Variants in PTPRD observed in about 807,000 individuals in gnomAD.
PTPRD encodes the protein protein tyrosine phosphatase receptor type D, also known as receptor-type tyrosine-protein phosphatase delta.
In PTPRD, 34 loss-of-function variants were observed where a neutral mutation model predicts 214.5. The ratio of observed to expected loss-of-function variants is 0.16; its 90% CI spans 0.12 to 0.21. The LOEUF (loss-of-function observed/expected upper bound fraction) is 0.21, where lower values mean the gene tolerates loss of function less well. Among genes scored for constraint, PTPRD ranks in the 10% least tolerant of loss-of-function variants. The pLI, the probability that PTPRD is intolerant of heterozygous loss-of-function variation, is 1.00. For missense variants in PTPRD, 2,545 were observed against 2,398.7 expected (o/e 1.06, Z -1.27); for synonymous variants, 1,128 against 845.7 (o/e 1.33, Z -5.79).
intron 10 of PTPRD, 95 bp from the exon 11 acceptor site, chr9:9,018,830 T>G (rs1428407100): frequency 6.6e-6 from 1 of 152,192 alleles, no homozygotes; most frequent in Non-Finnish European, 1.5e-5. Context: ...ATTACTTAGC[T>G]AGTGGAAATG....
At chr9:10,261,803 G>A (rs1365476976) in intron 3 of PTPRD, among the ~76,000 whole-genome samples, 1 of 152,006 alleles carries the variant, frequency 6.6e-6, no homozygotes, top group East Asian at 1.9e-4. Flanking sequence ...TAAATATATA[G>A]GAGCAAGAAA....
At chr9:9,249,386 T>A (rs184818448) in intron 9 of PTPRD, among the ~76,000 whole-genome samples, 1 of 152,176 alleles carries the variant, frequency 6.6e-6, no homozygotes, top group East Asian at 1.9e-4. Context: ...GCCTCAGGTA[T>A]TCCTTTAGTG....
intron 33 of PTPRD, among the ~76,000 whole-genome samples, chr9:8,452,246 T>G (rs1447992356): frequency 2.0e-5 from 3 of 152,250 alleles, no homozygotes; most frequent in Non-Finnish European, 2.9e-5. Flanking sequence ...CTTAGTTTTC[T>G]TTCGATGATC....
intron 3 of PTPRD, among the ~76,000 whole-genome samples, chr9:10,214,487 G>A (rs1168478941): frequency 2.0e-5 from 3 of 148,564 alleles, no homozygotes; most frequent in Non-Finnish European, 3.0e-5. Context: ...TGTTGGCCAG[G>A]TTGATCTCGA....
intron 10 of PTPRD, among the ~76,000 whole-genome samples, chr9:9,104,150 G>C (rs763930659): frequency 2.6e-5 from 4 of 152,172 alleles, no homozygotes; most frequent in Non-Finnish European, 4.4e-5. Context: ...TTTAGGCTTT[G>C]TGGGCTATCC....
rs538007225 is a variant in PTPRD, at chr9:9,909,327, T to A, written c.-368+29180A>T. On this transcript the variant is annotated intron_variant, in intron 5 of 45. Transcript: ENST00000381196. ...GTTTTTAATCTGAAAGTTTTTTTTTTTTTTTTACGGCTTTTCCTATTAATT... is the reference window on the plus strand; with the variant it reads ...GTTTTTAATCTGAAAGTTTTTTTTTATTTTTTACGGCTTTTCCTATTAATT... Among the ~76,000 whole-genome samples, 21 of 151,812 alleles carry A rather than the reference T, an allele frequency of 1.4e-4. No homozygotes were observed. The East Asian group carries it at 4.1e-3, about 29-fold the overall frequency.
intron 11 of PTPRD, among the ~76,000 whole-genome samples, chr9:9,000,588 G>C (rs979648208): frequency 2.6e-5 from 4 of 151,920 alleles, no homozygotes; most frequent in Admixed American, 1.3e-4. Flanking sequence ...CTGTGTCTAA[G>C]CATTTTTAAT....
chr9:9,967,518 G>C (rs918573476), intron 4 of PTPRD, among the ~76,000 whole-genome samples: 1 of 152,050 alleles, frequency 6.6e-6, no homozygotes, highest in Non-Finnish European at 1.5e-5. Flanking sequence ...AGGTATGCTA[G>C]GTAATTTTAC....
At chr9:8,928,726 A>C (rs1427133030) in intron 11 of PTPRD, among the ~76,000 whole-genome samples, 1 of 152,138 alleles carries the variant, frequency 6.6e-6, no homozygotes, top group African/African-American at 2.4e-5. Context: ...AATTCTGTGA[A>C]GAAGGTCAAT....
intron 11 of PTPRD, among the ~76,000 whole-genome samples, chr9:8,911,415 T>TGGTGTGTGTG (rs1555510111): frequency 1.6e-5 from 2 of 127,632 alleles, no homozygotes; most frequent in Admixed American, 7.9e-5. Context: ...TGTGTGTGTG[T>TGGTGTGTGTG]TGTGTGTGTG....
At position 9,869,740 on chromosome 9, in the gene PTPRD, T is replaced by C. The variant is rs184458155; in HGVS notation, c.-368+68767A>G. ...AAAATCTAGAATGTGGAACATTCTA[T>C]AAATTAGTAACAAAAACAGTTTTCA... On this transcript the variant is annotated intron_variant, in intron 5 of 45. Transcript: ENST00000381196. 1.4e-4 allele frequency among the ~76,000 whole-genome samples: 21 copies of C among 151,844 alleles called. 1 individual carries two copies. The highest frequency in any genetic ancestry group is 5.1e-4 in the African/African-American group (21 of 41,424).
In PTPRD at chr9:10,594,932, C is replaced by T. The variant is rs141116933; in HGVS notation, c.-600+17466G>A. Among the ~76,000 whole-genome samples the T allele has an allele frequency of 3.3e-5, 5 of 152,068 alleles. No individual in the cohort carries two copies. The East Asian group carries it at 9.7e-4, about 30-fold the overall frequency. On this transcript the variant is annotated intron_variant, in intron 2 of 45. Transcript: ENST00000381196. ...AGAGATAGAAGTGATACAAATTTTA[C>T]TTTCATGTTGTCAAGGATTTGTTGG...
At chr9:9,123,592 T>A (rs977109207) in intron 10 of PTPRD, among the ~76,000 whole-genome samples, 6 of 152,144 alleles carry the variant, frequency 3.9e-5, no homozygotes, top group Admixed American at 3.9e-4. Context: ...GTTAGCAAAG[T>A]AACCAGCCCA....
At chr9:9,775,141 C>CAGG (rs2098787052) in intron 5 of PTPRD, among the ~76,000 whole-genome samples, 1 of 152,190 alleles carries the variant, frequency 6.6e-6, no homozygotes, top group Admixed American at 6.5e-5. Flanking sequence ...GTATCTGTCA[C>CAGG]CCCACAAGTT....
chr9:8,462,605 C>T (rs375852665), intron 32 of PTPRD, among the ~76,000 whole-genome samples: 4 of 151,952 alleles, frequency 2.6e-5, no homozygotes, highest in African/African-American at 9.7e-5. Flanking sequence ...AGGCTCTATT[C>T]TTGTTCCTCA....
At chr9:9,906,923 G>C (rs1453194588) in intron 5 of PTPRD, among the ~76,000 whole-genome samples, 1 of 151,916 alleles carries the variant, frequency 6.6e-6, no homozygotes, top group Non-Finnish European at 1.5e-5. Flanking sequence ...CACTGCGTTT[G>C]TGGCCTCCAA....
At chr9:8,417,660 T>C (rs2094039883) in intron 35 of PTPRD, among the ~76,000 whole-genome samples, 1 of 152,120 alleles carries the variant, frequency 6.6e-6, no homozygotes, top group African/African-American at 2.4e-5. Flanking sequence ...GCAGTTGTCA[T>C]CCTGTATTAC....
At chr9:8,442,391 T>C (rs1270847012) in intron 34 of PTPRD, among the ~76,000 whole-genome samples, 5 of 151,496 alleles carry the variant, frequency 3.3e-5, no homozygotes, top group Admixed American at 6.6e-5. Flanking sequence ...TATATAACTA[T>C]TCTGCTAAGT....
At chr9:10,535,655 T>C (rs543633514) in intron 2 of PTPRD, among the ~76,000 whole-genome samples, 1 of 152,044 alleles carries the variant, frequency 6.6e-6, no homozygotes, top group South Asian at 2.1e-4. Flanking sequence ...AGAGATGTCA[T>C]GGTTGATAAC....
Sources: allele counts gnomAD v4.1 joint callset (sites outside exome capture counted in the v4.1 genomes callset), GRCh38; gene constraint gnomAD v4.1.1; transcripts MANE v1.5; gene names NCBI Gene and HGNC (gene_info 2026-07-23, HGNC 2026-07-21).